The following HGSNAT variants were observed in gnomAD, a reference collection of about 807,000 sequenced individuals.
The protein encoded by HGSNAT is transmembrane protein 76.
HGSNAT carries 59 observed loss-of-function variants against 85.2 expected under a neutral mutation model. The observed-to-expected ratio is 0.69, with a 90% CI of 0.56 to 0.86. The LOEUF is 0.86. Among genes scored for constraint, HGSNAT ranks in the 40% least tolerant of loss-of-function variants. The pLI, the probability that HGSNAT is intolerant of heterozygous loss-of-function variation, is 0.00. For missense variants in HGSNAT, 756 were observed against 777.1 expected (o/e 0.97, Z 0.32); for synonymous variants, 321 against 304.5 (o/e 1.05, Z -0.56).
rs1363569298 is a variant in HGSNAT at position 43,180,043 on chromosome 8, C to T, written c.1012+1809C>T. 1.5e-4 allele frequency among the ~76,000 whole-genome samples: 16 copies of T among 106,022 alleles called. 1 individual carries two copies. The highest frequency in any genetic ancestry group is 3.4e-4 in the South Asian group (1 of 2,924). The allele number at this position is 106,022 out of a possible 152,430, so 69.6% of individuals were successfully genotyped here. A position where few individuals can be genotyped will look rare whatever the true frequency, so the allele number is the denominator to read the frequency against. On this transcript the variant is annotated intron_variant, in intron 10 of 17. Transcript: ENST00000379644. ...GGAGCCCCTCACCTCCCAGACGGGG[C>T]GGCTGGCCGGGCGGGGGGCTGACCC... is the stretch of plus-strand genomic sequence containing the variant.
chr8:43,185,387 C>G (rs1804272111), intron 11 of HGSNAT, among the ~76,000 whole-genome samples: 1 of 152,086 alleles, frequency 6.6e-6, no homozygotes, highest in Non-Finnish European at 1.5e-5. Context: ...GTATTTTATT[C>G]TCTTTGAAGC....
At chr8:43,156,259 G>A (rs1803091527) in intron 2 of HGSNAT, among the ~76,000 whole-genome samples, 1 of 152,046 alleles carries the variant, frequency 6.6e-6, no homozygotes, top group Admixed American at 6.5e-5. Context: ...AACATTTTTA[G>A]TTTTAAATTT....
intron 10 of HGSNAT, among the ~76,000 whole-genome samples, chr8:43,180,998 C>T (rs1260063158): frequency 9.1e-6 from 1 of 109,642 alleles, no homozygotes; most frequent in Non-Finnish European, 1.9e-5. Flanking sequence ...CAGGCTGAGG[C>T]AGGAGAATCA....
In HGSNAT at chr8:43,158,617, G is replaced by T. The variant is rs368452647; in HGVS notation, c.277G>T (p.Ala93Ser). 23 of 1,613,872 alleles carry T rather than the reference G, an allele frequency of 1.4e-5. No homozygotes were observed. Among genetic ancestry groups the T allele is most frequent in the Non-Finnish European group, 3.4e-6 (4 of 1,179,892 alleles). The change falls in exon 3 of 18, where the codon GCA becomes TCA. Residue 93 changes from alanine to serine, a missense_variant. Coordinates refer to ENST00000379644, the MANE Select transcript of HGSNAT (RefSeq NM_152419.3). ...VLVNVPQSPK[A>S]GKPSAAAASV... ...GGTAAACGTTCCTCAGAGTCCAAAA[G>T]CAGGGAAGCCTAGTGCTGCAGCTGC...
intron 6 of HGSNAT, among the ~76,000 whole-genome samples, chr8:43,170,266 G>A (rs947241240): frequency 4.6e-5 from 7 of 152,178 alleles, no homozygotes; most frequent in Non-Finnish European, 8.8e-5. Context: ...CAGATCATGA[G>A]GTCAGGAGTT....
chr8:43,179,147 G>C (rs1366110449), intron 10 of HGSNAT, among the ~76,000 whole-genome samples: 181 of 132,334 alleles, frequency 1.4e-3, no homozygotes, highest in African/African-American at 3.3e-3. Context: ...AGACGGGGTC[G>C]TGGCCGGGCA....
At chr8:43,157,605 A>G (rs1803131734) in intron 2 of HGSNAT, among the ~76,000 whole-genome samples, 1 of 152,048 alleles carries the variant, frequency 6.6e-6, no homozygotes, top group Non-Finnish European at 1.5e-5. Context: ...GCAAAACCCC[A>G]TCTCTACCAA....
intron 5 of HGSNAT, among the ~76,000 whole-genome samples, chr8:43,164,149 T>C (rs974838718): frequency 1.2e-4 from 19 of 152,336 alleles, no homozygotes; most frequent in African/African-American, 4.3e-4. Context: ...TGAAATGATA[T>C]GATGTCTAGG....
At chr8:43,178,934 T>TCACA (rs1466135338) in intron 10 of HGSNAT, among the ~76,000 whole-genome samples, 1 of 147,294 alleles carries the variant, frequency 6.8e-6, no homozygotes, top group Non-Finnish European at 1.5e-5. Context: ...GGGGATAAGG[T>TCACA]CACAGATCAA....
At position 43,200,913 on chromosome 8, in the gene HGSNAT, C is replaced by T. The variant is rs895150862; in HGVS notation, c.*1344C>T. 1 of 152,638 alleles carries T rather than the reference C, an allele frequency of 6.6e-6. No individual in the cohort carries two copies. Among genetic ancestry groups the T allele is most frequent in the African/African-American group, 2.4e-5 (1 of 41,470 alleles). The allele number at this position is 152,638 out of a possible 1,614,324, so 9.5% of individuals were successfully genotyped here. ...CTTGTACCTGCCTGCTGGACCCCTCCACCTGGAGGCCAGCCCATGTCTCAG... is the reference window on the plus strand; with the variant it reads ...CTTGTACCTGCCTGCTGGACCCCTCTACCTGGAGGCCAGCCCATGTCTCAG... On this transcript the variant is annotated 3_prime_UTR_variant, in exon 18 of 18. Coordinates refer to ENST00000379644, the MANE Select transcript of HGSNAT (RefSeq NM_152419.3).
chr8:43,197,958 T>C lies in HGSNAT; in HGVS notation c.1726+6T>C. On this transcript the variant is annotated splice_donor_region_variant and intron_variant, in intron 17 of 17. Transcript: ENST00000379644. ...AACCCCATTCTTTTATCCAGGTAAGTCACCTCCAACCTCAAACAGAGCTGG... is the reference window on the plus strand; with the variant it reads ...AACCCCATTCTTTTATCCAGGTAAGCCACCTCCAACCTCAAACAGAGCTGG... 6.3e-7 allele frequency: 1 copy of C among 1,596,406 alleles called. No individual in the cohort carries two copies. Among genetic ancestry groups the C allele is most frequent in the Non-Finnish European group, 8.6e-7 (1 of 1,165,138 alleles).
At chr8:43,192,991 A>AG (rs1804592819) in intron 13 of HGSNAT, among the ~76,000 whole-genome samples, 1 of 152,218 alleles carries the variant, frequency 6.6e-6, no homozygotes, top group Non-Finnish European at 1.5e-5. Flanking sequence ...TAGCCCCAGC[A>AG]AAGGCCCCAG....
intron 2 of HGSNAT, among the ~76,000 whole-genome samples, chr8:43,155,703 A>G (rs1031785029): frequency 6.6e-6 from 1 of 152,172 alleles, no homozygotes; most frequent in African/African-American, 2.4e-5. Context: ...CAGGTCTTAC[A>G]TTTAAGCTGT....
rs1487957609 is a variant in HGSNAT, at chr8:43,147,011, A to T, written c.182A>T (p.Glu61Val). ...CAGGCTTTGCTACTCATCCATAATGAACTTCTCTGGACCAACTTGACCGTC... is the reference window on the plus strand; with the variant it reads ...CAGGCTTTGCTACTCATCCATAATGTACTTCTCTGGACCAACTTGACCGTC... The part of the protein sequence containing the change: ...MDQALLLIHN[E>V]LLWTNLTVYW... The change falls in exon 2 of 18, where the codon GAA becomes GTA. Residue 61 changes from glutamate (E) to valine (V), a missense_variant. Glu to Val is a moderately radical substitution (Grantham distance 121). Transcript: ENST00000379644. The T allele has an allele frequency of 2.5e-6, 4 of 1,611,228 alleles. No homozygotes were observed. The highest frequency in any genetic ancestry group is 2.5e-6 in the Non-Finnish European group (3 of 1,179,218).
rs2130821797 is a variant in HGSNAT, at chr8:43,197,906, T to G, written c.1680T>G (p.Val560=). ...TCATCCTGCTGGTCCTGTACCCAGT[T>G]GTGGATGTGAAGGGGCTGTGGACAG... ...AFFILLVLYP[V]VDVKGLWTGT... The change falls in exon 17 of 18, where the codon GTT becomes GTG. Residue 560 remains valine (V), a synonymous_variant. Coordinates refer to ENST00000379644, the MANE Select transcript of HGSNAT (RefSeq NM_152419.3). 4 of 1,613,998 alleles carry G rather than the reference T, an allele frequency of 2.5e-6. No homozygotes were observed. Among genetic ancestry groups the G allele is most frequent in the Middle Eastern group, 1.6e-4 (1 of 6,062 alleles).
chr8:43,192,966 G>T (rs1804591816), intron 13 of HGSNAT, among the ~76,000 whole-genome samples: 1 of 152,172 alleles, frequency 6.6e-6, no homozygotes, highest in Non-Finnish European at 1.5e-5. Flanking sequence ...TGACCTGCAC[G>T]GTCAACTTTG....
At chr8:43,182,881 T>C (rs1476594544) in intron 11 of HGSNAT, among the ~76,000 whole-genome samples, 2 of 152,240 alleles carry the variant, frequency 1.3e-5, no homozygotes, top group African/African-American at 2.4e-5. Context: ...ATTTTTAATC[T>C]TTATGTCAAT....
At chr8:43,171,113 G>A (rs910566340) in intron 7 of HGSNAT, among the ~76,000 whole-genome samples, 1 of 152,234 alleles carries the variant, frequency 6.6e-6, no homozygotes, top group African/African-American at 2.4e-5. Flanking sequence ...AGAGTGACTT[G>A]AGTATCAGGC....
At position 43,140,557 on chromosome 8, in the gene HGSNAT, G is replaced by C. The variant is rs2130648066; in HGVS notation, c.61G>C (p.Ala21Pro). 8.3e-7 allele frequency: 1 copy of C among 1,201,874 alleles called. No individual in the cohort carries two copies. The highest frequency in any genetic ancestry group is 1.0e-6 in the Non-Finnish European group (1 of 964,548). The allele number at this position is 1,201,874 out of a possible 1,614,324, so 74.5% of individuals were successfully genotyped here. ...GCTGGCCGCGTCCGTGCTGAGCGCCGCGCTGCTGGCCCCCGGCGGCTCTTC... is the reference window on the plus strand; with the variant it reads ...GCTGGCCGCGTCCGTGCTGAGCGCCCCGCTGCTGGCCCCCGGCGGCTCTTC... Reference protein sequence around the residue: ...LLLAASVLSAALLAPGGSSGR... With the variant: ...LLLAASVLSAPLLAPGGSSGR... The change falls in exon 1 of 18, where the codon GCG (alanine) becomes CCG (proline). Residue 21 changes from alanine (A) to proline (P), a missense_variant. Physicochemically the swap from Ala to Pro is conservative, Grantham distance 27. Transcript: ENST00000379644.
Sources: allele counts gnomAD v4.1 joint callset (sites outside exome capture counted in the v4.1 genomes callset), GRCh38; gene constraint gnomAD v4.1.1; transcripts MANE v1.5; gene names NCBI Gene and HGNC (gene_info 2026-07-23, HGNC 2026-07-21).